The following LAMA4 variants were observed in gnomAD, a reference collection of about 807,000 sequenced individuals.
LAMA4 encodes laminin subunit alpha-4.
LAMA4 carries 127 observed loss-of-function variants against 207.1 expected under a neutral mutation model. The observed-to-expected ratio is 0.61, with a 90% CI of 0.53 to 0.71. The LOEUF (loss-of-function observed/expected upper bound fraction) is 0.71. Among genes scored for constraint, LAMA4 ranks in the 30% least tolerant of loss-of-function variants. The pLI is 0.00. For missense variants in LAMA4, 2,093 were observed against 2,246.5 expected (o/e 0.93, Z 1.38); for synonymous variants, 761 against 816.0 (o/e 0.93, Z 1.15).
In LAMA4 at chr6:112,185,384, A is replaced by C. The variant is rs781901434; in HGVS notation, c.967-37T>G. The C allele has an allele frequency of 3.0e-5, 33 of 1,110,236 alleles. No homozygotes were observed. The East Asian group carries it at 4.0e-4, about 13-fold the overall frequency. The allele number at this position is 1,110,236 out of a possible 1,614,324, so 68.8% of individuals were successfully genotyped here. On this transcript the variant is annotated intron_variant, in intron 8 of 38. Transcript: ENST00000230538. Reference sequence around the variant, plus strand: ...TGTGTTTTGAGAATAGTCAATGGGCACACCAGGTTTTAAAAAATGTACATA... The same window carrying C: ...TGTGTTTTGAGAATAGTCAATGGGCCCACCAGGTTTTAAAAAATGTACATA...
At chr6:112,246,332 CTT>C (rs781793385) in intron 2 of LAMA4, among the ~76,000 whole-genome samples, 24 of 152,080 alleles carry the variant, frequency 1.6e-4, no homozygotes, top group Non-Finnish European at 3.2e-4. Context: ...GTTTTAATGG[CTT>C]TTAACCAATC....
At chr6:112,158,246 A>C (rs1780839480) in intron 14 of LAMA4, 1 of 180,466 alleles carries the variant, frequency 5.5e-6, no homozygotes, top group Non-Finnish European at 1.2e-5. Context: ...TGGAGTATTT[A>C]TCAGAAGTCA....
At chr6:112,115,771 G>T in intron 36 of LAMA4, 92 bp downstream of exon 36, 1 of 1,320,174 alleles carries the variant, frequency 7.6e-7, no homozygotes, top group Non-Finnish European at 1.1e-6. Flanking sequence ...AGTTAGGAAA[G>T]ATTGATGAAA....
chr6:112,253,744 C>A (rs1238431694), intron 2 of LAMA4: 3 of 1,613,376 alleles, frequency 1.9e-6, no homozygotes, highest in East Asian at 4.5e-5. Context: ...TGAGCAGACA[C>A]ATTCCGAAGC....
chr6:112,150,731 A>G, intron 16 of LAMA4, 104 bp from the exon 17 acceptor site: 1 of 805,806 alleles, frequency 1.2e-6, no homozygotes, highest in South Asian at 1.4e-5. Flanking sequence ...AGTCATCTGC[A>G]GTATTTGCAG....
chr6:112,213,029 A>G (rs111545006), intron 3 of LAMA4, among the ~76,000 whole-genome samples: 6 of 152,330 alleles, frequency 3.9e-5, no homozygotes, highest in African/African-American at 1.4e-4. Context: ...AGCCTTCAAT[A>G]TATTGGATTG....
At chr6:112,223,578 G>A (rs782244719) in intron 2 of LAMA4, among the ~76,000 whole-genome samples, 23 of 152,186 alleles carry the variant, frequency 1.5e-4, no homozygotes, top group Admixed American at 4.6e-4. Context: ...AGGATGAACT[G>A]TCTATAAATG....
rs1355934211 is a variant in LAMA4, at chr6:112,141,490, T to A, written c.2681A>T (p.Tyr894Phe). 2 of 1,605,430 alleles carry A rather than the reference T, an allele frequency of 1.2e-6. No individual in the cohort carries two copies. The highest frequency in any genetic ancestry group is 2.7e-5 in the African/African-American group (2 of 74,770). ...YLGSKNAKKE[Y>F]MGLAIKNDNL... ...ATCATTTTTGATTGCAAGACCCATA[T>A]ACTCTTTTTTGGCCTGAAATATCAA... Residue 894 changes from tyrosine to phenylalanine, a missense_variant, in exon 21 of 39, where the codon TAT (tyrosine) becomes TTT (phenylalanine). Tyr to Phe is a conservative substitution (Grantham distance 22). This residue lies in a region of LAMA4 where 1,704 missense variants were observed against 1,788.4 expected (regional missense o/e 0.95). Coordinates refer to ENST00000230538, the MANE Select transcript of LAMA4 (RefSeq NM_001105206.3).
At chr6:112,222,591 T>C (rs1263750046) in intron 2 of LAMA4, among the ~76,000 whole-genome samples, 3 of 152,204 alleles carry the variant, frequency 2.0e-5, no homozygotes, top group Admixed American at 2.0e-4. Context: ...TCCTTTAATT[T>C]TGTAAAGAGT....
intron 13 of LAMA4, among the ~76,000 whole-genome samples, chr6:112,162,443 G>A (rs186417158): frequency 6.6e-6 from 1 of 152,152 alleles, no homozygotes; most frequent in African/African-American, 2.4e-5. Context: ...TTGCACTCCA[G>A]CCTGGGCAAC....
chr6:112,111,891 G>GCAAA (rs1300373835), intron 38 of LAMA4, among the ~76,000 whole-genome samples: 2 of 152,184 alleles, frequency 1.3e-5, no homozygotes, highest in Non-Finnish European at 2.9e-5. Context: ...GACTGTGAAA[G>GCAAA]CAAACAAACA....
intron 13 of LAMA4, chr6:112,164,186 G>A (rs1781254843): frequency 6.6e-6 from 1 of 152,228 alleles, no homozygotes; most frequent in Admixed American, 6.5e-5. Context: ...AGGCAGATAT[G>A]GTAGTTAAGG....
intron 36 of LAMA4, among the ~76,000 whole-genome samples, chr6:112,115,311 CTGTTA>C (rs147507413): frequency 0.051 from 7,759 of 152,038 alleles, 639 homozygotes; most frequent in African/African-American, 0.18. Flanking sequence ...AAATAAAAAT[CTGTTA>C]TGTTAAGTTA....
At chr6:112,168,804 T>C (rs1466101781) in intron 12 of LAMA4, among the ~76,000 whole-genome samples, 1 of 152,158 alleles carries the variant, frequency 6.6e-6, no homozygotes, top group Non-Finnish European at 1.5e-5. Context: ...TAGTTTTCAC[T>C]GAATTCTCAA....
intron 2 of LAMA4, among the ~76,000 whole-genome samples, chr6:112,232,693 C>T (rs1033316563): frequency 1.3e-5 from 2 of 152,004 alleles, no homozygotes; most frequent in Admixed American, 6.6e-5. Context: ...AGGTAAAGAA[C>T]ACAAACTAAA....
intron 2 of LAMA4, among the ~76,000 whole-genome samples, chr6:112,243,312 T>G (rs1442957894): frequency 1.3e-5 from 2 of 152,148 alleles, no homozygotes; most frequent in African/African-American, 4.8e-5. Context: ...GGCCCTGTGT[T>G]TCTTTCAGGC....
At chr6:112,116,308 G>A (rs888413939) in intron 35 of LAMA4, among the ~76,000 whole-genome samples, 6 of 152,108 alleles carry the variant, frequency 3.9e-5, no homozygotes, top group South Asian at 2.1e-4. Context: ...CAAGTGAGGA[G>A]GACAGGGCAA....
intron 5 of LAMA4, among the ~76,000 whole-genome samples, chr6:112,192,766 C>T (rs997036807): frequency 6.6e-6 from 1 of 152,220 alleles, no homozygotes; most frequent in Non-Finnish European, 1.5e-5. Context: ...CCTTTCCCTA[C>T]TTTTCCCAAA....
intron 7 of LAMA4, 33 bp from the exon 8 acceptor site, chr6:112,187,634 T>A: frequency 6.2e-7 from 1 of 1,609,564 alleles, no homozygotes; most frequent in Non-Finnish European, 8.5e-7. Flanking sequence ...GAATCACAAG[T>A]CAAAAGCATG....
Sources: allele counts gnomAD v4.1 joint callset (sites outside exome capture counted in the v4.1 genomes callset), GRCh38; gene constraint gnomAD v4.1.1; regional missense constraint gnomAD v4.1.1; transcripts MANE v1.5; gene names NCBI Gene and HGNC (gene_info 2026-07-23, HGNC 2026-07-21).